IP6K1: variants seen among roughly 807,000 people sequenced by gnomAD.
IP6K1 encodes ATP:1D-myo-inositol-hexakisphosphate phosphotransferase.
A neutral mutation model predicts 38.3 loss-of-function variants in IP6K1; 13 were observed. The ratio of observed to expected loss-of-function variants is 0.34; its 90% CI spans 0.22 to 0.54. IP6K1 has a LOEUF of 0.54. Among genes scored for constraint, IP6K1 ranks in the 20% least tolerant of loss-of-function variants. IP6K1 has a pLI of 0.92. For missense variants in IP6K1, 397 were observed against 599.8 expected (o/e 0.66, Z 3.53); for synonymous variants, 212 against 229.9 (o/e 0.92, Z 0.70).
intron 1 of IP6K1, among the ~76,000 whole-genome samples, chr3:49,780,222 T>C (rs2081052604): frequency 6.6e-6 from 1 of 151,670 alleles, no homozygotes; most frequent in African/African-American, 2.4e-5. Flanking sequence ...AGTGAACATG[T>C]GTTCCCATCA....
chr3:49,742,548 CAAAAAA>C (rs1231509978), intron 2 of IP6K1, among the ~76,000 whole-genome samples: 1 of 150,154 alleles, frequency 6.7e-6, no homozygotes, highest in Non-Finnish European at 1.5e-5. Context: ...GACTCCATCT[CAAAAAA>C]GAAAAAGAAA....
At chr3:49,756,452 G>T (rs1161063005) in intron 1 of IP6K1, among the ~76,000 whole-genome samples, 1 of 152,188 alleles carries the variant, frequency 6.6e-6, no homozygotes, top group East Asian at 1.9e-4. Context: ...GTGGGGGAAA[G>T]GAGATATGTG....
chr3:49,776,458 A>C (rs191977876), intron 1 of IP6K1, among the ~76,000 whole-genome samples: 7 of 152,148 alleles, frequency 4.6e-5, no homozygotes, highest in Non-Finnish European at 1.0e-4. Flanking sequence ...CGGAGGTTGC[A>C]GTGAGCCGAG....
chr3:49,743,086 G>A (rs2080685769), intron 2 of IP6K1, among the ~76,000 whole-genome samples: 1 of 151,834 alleles, frequency 6.6e-6, no homozygotes, highest in Admixed American at 6.6e-5. Context: ...AAATTAGCCA[G>A]GAATGGTGGC....
At chr3:49,758,139 C>G (rs1012729588) in intron 1 of IP6K1, among the ~76,000 whole-genome samples, 1 of 151,820 alleles carries the variant, frequency 6.6e-6, no homozygotes, top group Admixed American at 6.6e-5. Context: ...GAAACCCCGT[C>G]TCTACTAAAA....
intron 1 of IP6K1, among the ~76,000 whole-genome samples, chr3:49,767,625 T>G (rs1405670043): frequency 1.3e-5 from 2 of 151,640 alleles, no homozygotes; most frequent in African/African-American, 4.9e-5. Context: ...ATAAAATTAG[T>G]CTGGGTACAG....
At chr3:49,765,104 A>C (rs2080900337) in intron 1 of IP6K1, among the ~76,000 whole-genome samples, 1 of 152,180 alleles carries the variant, frequency 6.6e-6, no homozygotes, top group Non-Finnish European at 1.5e-5. Flanking sequence ...AGGATAACAT[A>C]TATAAGTCCT....
intron 3 of IP6K1, among the ~76,000 whole-genome samples, chr3:49,734,390 ATTTC>A (rs995709609): frequency 7.5e-6 from 1 of 132,596 alleles, no homozygotes; most frequent in Non-Finnish European, 1.5e-5. Flanking sequence ...CATTACCGTA[ATTTC>A]TTTTTTTTTT....
intron 1 of IP6K1, among the ~76,000 whole-genome samples, chr3:49,751,785 G>C (rs2080779357): frequency 2.0e-5 from 3 of 152,176 alleles, no homozygotes; most frequent in Admixed American, 1.3e-4. Flanking sequence ...AAAATGCAAA[G>C]AACGCTATGT....
chr3:49,757,560 CA>C (rs763043315), intron 1 of IP6K1, among the ~76,000 whole-genome samples: 6 of 147,800 alleles, frequency 4.1e-5, no homozygotes, highest in Middle Eastern at 3.5e-3. Context: ...ACTGTCTCTA[CA>C]AAAAAAAAAT....
At chr3:49,735,071 T>C (rs561601716) in intron 3 of IP6K1, among the ~76,000 whole-genome samples, 3 of 152,346 alleles carry the variant, frequency 2.0e-5, no homozygotes, top group African/African-American at 7.2e-5. Flanking sequence ...AAGCCCACTC[T>C]AGACTGGGCG....
rs368798592 is a variant in IP6K1 at position 49,732,930 on chromosome 3, G to A, written c.477C>T (p.His159=). ...AKSPKVELHS[H]SEVPFQMLDG... ...CTAGCATCTGGAAAGGGACCTCTGA[G>A]TGGCTGTGCAGCTCCACCTTCGGAC... Residue 159 remains histidine, a synonymous_variant, in exon 4 of 6, where the codon CAC becomes CAT. Transcript: ENST00000321599. 2.5e-6 allele frequency: 4 copies of A among 1,613,946 alleles called. No individual in the cohort carries two copies. The highest frequency in any genetic ancestry group is 2.7e-5 in the African/African-American group (2 of 74,916).
In IP6K1 at chr3:49,782,758, C is replaced by T. The variant is rs534200051; in HGVS notation, c.-129+3596G>A. On this transcript the variant is annotated intron_variant, in intron 1 of 5. Coordinates refer to ENST00000321599, the MANE Select transcript of IP6K1 (RefSeq NM_153273.4). Reference sequence around the variant, plus strand: ...CCCAGGAGTTGGAGGCTGCAGTGAGCTACAATTGTGTCACTACACTCCAGC... The same window carrying T: ...CCCAGGAGTTGGAGGCTGCAGTGAGTTACAATTGTGTCACTACACTCCAGC... 3.3e-5 allele frequency among the ~76,000 whole-genome samples: 5 copies of T among 151,436 alleles called. No individual in the cohort carries two copies. The South Asian group carries it at 8.3e-4, about 25-fold the overall frequency.
intron 1 of IP6K1, among the ~76,000 whole-genome samples, chr3:49,761,645 A>T (rs1245608070): frequency 6.6e-6 from 1 of 150,546 alleles, no homozygotes; most frequent in African/African-American, 2.4e-5. Context: ...TAATAACCTA[A>T]GGTTCTCATT....
intron 1 of IP6K1, among the ~76,000 whole-genome samples, chr3:49,762,689 G>A (rs2080877177): frequency 6.6e-6 from 1 of 151,860 alleles, no homozygotes; most frequent in Admixed American, 6.6e-5. Context: ...TTTTAAGAAA[G>A]AAATATCAAT....
At chr3:49,764,336 T>C (rs2080890817) in intron 1 of IP6K1, among the ~76,000 whole-genome samples, 2 of 151,814 alleles carry the variant, frequency 1.3e-5, no homozygotes, top group African/African-American at 2.4e-5. Context: ...GCGTTATGAT[T>C]GTACCACTGC....
At chr3:49,729,216 G>GT (rs1269636069) in intron 4 of IP6K1, among the ~76,000 whole-genome samples, 2 of 151,984 alleles carry the variant, frequency 1.3e-5, no homozygotes, top group Admixed American at 6.6e-5. Flanking sequence ...CATTTTAAAT[G>GT]TCTGGCTTAT....
chr3:49,738,565 C>T, intron 2 of IP6K1, 143 bp from the exon 3 acceptor site: 1 of 658,312 alleles, frequency 1.5e-6, no homozygotes, highest in South Asian at 1.7e-5. Flanking sequence ...GAACAACAGC[C>T]AGCAGACAGT....
At chr3:49,752,842 C>A (rs896426050) in intron 1 of IP6K1, among the ~76,000 whole-genome samples, 15 of 151,774 alleles carry the variant, frequency 9.9e-5, no homozygotes, top group Admixed American at 2.6e-4. Context: ...CAACCTCCAC[C>A]TCCTGGGTTC....
Sources: gnomAD v4.1 joint callset for allele counts (sites outside exome capture counted in the v4.1 genomes callset) on GRCh38, gnomAD v4.1.1 for gene constraint, MANE v1.5 for transcripts, NCBI Gene and HGNC (gene_info 2026-07-23, HGNC 2026-07-21) for gene names.